The following RFX7 variants were observed in gnomAD, a reference collection of about 807,000 sequenced individuals.
The protein encoded by RFX7 is DNA-binding protein RFX7.
RFX7 carries 26 observed loss-of-function variants against 111.8 expected under a neutral mutation model. That is an observed-to-expected ratio of 0.23 (90% confidence interval 0.17 to 0.32). The LOEUF is 0.32. RFX7 is among the 10% of genes least tolerant of loss of function. The probability of loss-of-function intolerance (pLI) is 1.00; values close to 1 mark genes in which losing one functional copy is unlikely to be tolerated. For synonymous variants in RFX7, 624 were observed against 624.4 expected, an observed-to-expected ratio of 1.00 and a Z score of 0.01; for missense variants, 1,573 against 1,772.9, an observed-to-expected ratio of 0.89 and a Z score of 2.02.
intron 2 of RFX7, among the ~76,000 whole-genome samples, chr15:56,194,589 C>T (rs1270343893): frequency 6.6e-6 from 1 of 151,952 alleles, no homozygotes; most frequent in Non-Finnish European, 1.5e-5. Flanking sequence ...TTTACTTTTA[C>T]TTTTGTTTGC....
rs1313966204 is a variant in RFX7, at chr15:56,092,645, T to C, written c.*700A>G. 2 of 152,624 alleles carry C rather than the reference T, an allele frequency of 1.3e-5. No individual in the cohort carries two copies. The highest frequency in any genetic ancestry group is 2.9e-5 in the Non-Finnish European group (2 of 68,030). 9.5% of individuals were successfully genotyped at this position (152,624 alleles called of 1,614,324 possible). ...TGCCTGCGCATCTATGTGTGCTAGC[T>C]CCATATTAAAATCAACATTTAAATA... On this transcript the variant is annotated 3_prime_UTR_variant, in exon 10 of 10. Transcript: ENST00000559447.
intron 2 of RFX7, among the ~76,000 whole-genome samples, chr15:56,235,179 G>GTT (rs200007759): frequency 6.9e-5 from 10 of 145,692 alleles, no homozygotes; most frequent in African/African-American, 1.0e-4. Context: ...CTCGTTTGTT[G>GTT]TTTTTTTTTT....
chr15:56,123,869 ACT>A (rs1220616007), intron 5 of RFX7, among the ~76,000 whole-genome samples: 2 of 151,880 alleles, frequency 1.3e-5, no homozygotes, highest in African/African-American at 4.8e-5. Flanking sequence ...CAGCTGCTGC[ACT>A]CTCTCTCCTG....
At chr15:56,233,901 T>G (rs1381565595) in intron 2 of RFX7, among the ~76,000 whole-genome samples, 1 of 152,212 alleles carries the variant, frequency 6.6e-6, no homozygotes, top group East Asian at 1.9e-4. Flanking sequence ...GATTAGTTAG[T>G]GGAAATCCTA....
chr15:56,102,942 C>A (rs2041776940), intron 6 of RFX7, among the ~76,000 whole-genome samples: 1 of 152,114 alleles, frequency 6.6e-6, no homozygotes, highest in Non-Finnish European at 1.5e-5. Context: ...CAATCTTCTT[C>A]TAAGAGGAGA....
At position 56,091,755 on chromosome 15, in the gene RFX7, A is replaced by T. The variant is rs1352350565; in HGVS notation, c.*1590T>A. The T allele has an allele frequency of 6.6e-6, 1 of 152,602 alleles. No homozygotes were observed. The highest frequency in any genetic ancestry group is 2.4e-5 in the African/African-American group (1 of 41,466). 9.5% of individuals were successfully genotyped at this position (152,602 alleles called of 1,614,324 possible). On this transcript the variant is annotated 3_prime_UTR_variant, in exon 10 of 10. Transcript: ENST00000559447. ...AAATGCCAATAACTAAGACATATCA[A>T]TATATAAACCTCTGCGCCAACTCTA... is the stretch of plus-strand genomic sequence containing the variant.
chr15:56,209,742 C>G (rs2043291519), intron 2 of RFX7, among the ~76,000 whole-genome samples: 1 of 151,888 alleles, frequency 6.6e-6, no homozygotes, highest in Non-Finnish European at 1.5e-5. Flanking sequence ...ATGACGTTAA[C>G]TAAAAGTGGA....
chr15:56,095,198 A>G lies in RFX7; in HGVS notation c.2530T>C (p.Leu844=). The stretch of plus-strand genomic sequence containing the variant: ...GAAGAATGTGCTTGTATTTGATTTA[A>G]AGAAGATTCCTGTATCTGGCTATGT... ...QLHSQIQESS[L]NQIQAHSSDQ... The change falls in exon 10 of 10, where the codon TTA becomes CTA. Residue 844 remains leucine, a synonymous_variant. Transcript: ENST00000559447. 6.2e-7 allele frequency: 1 copy of G among 1,613,956 alleles called. No homozygotes were observed. The highest frequency in any genetic ancestry group is 8.5e-7 in the Non-Finnish European group (1 of 1,179,870).
chr15:56,134,777 A>G (rs1401302375), intron 5 of RFX7, among the ~76,000 whole-genome samples: 4 of 151,662 alleles, frequency 2.6e-5, no homozygotes, highest in Non-Finnish European at 4.4e-5. Flanking sequence ...GCCCTCCCCA[A>G]CAACAGTCCC....
chr15:56,214,012 T>C (rs1481878031), intron 2 of RFX7, among the ~76,000 whole-genome samples: 1 of 152,198 alleles, frequency 6.6e-6, no homozygotes, highest in Admixed American at 6.5e-5. Context: ...TATAGCCCAT[T>C]GCTGCCATTA....
chr15:56,150,047 G>T (rs1410685880), intron 3 of RFX7, among the ~76,000 whole-genome samples: 1 of 152,026 alleles, frequency 6.6e-6, no homozygotes, highest in Non-Finnish European at 1.5e-5. Flanking sequence ...GGTGGGGCGG[G>T]GGGGTCGGCC....
chr15:56,099,261 T>A (rs989668219), intron 8 of RFX7, among the ~76,000 whole-genome samples: 1 of 152,090 alleles, frequency 6.6e-6, no homozygotes, highest in Non-Finnish European at 1.5e-5. Context: ...CTTTTCCCCA[T>A]CCCAATTTCT....
intron 2 of RFX7, among the ~76,000 whole-genome samples, chr15:56,234,728 G>A (rs1264459188): frequency 6.6e-6 from 1 of 152,064 alleles, no homozygotes; most frequent in Non-Finnish European, 1.5e-5. Flanking sequence ...TCTTGGTGTT[G>A]CCATATAGAA....
intron 5 of RFX7, among the ~76,000 whole-genome samples, chr15:56,131,626 T>G (rs2042219206): frequency 6.6e-6 from 1 of 152,190 alleles, no homozygotes; most frequent in South Asian, 2.1e-4. Flanking sequence ...TGCAAAATAA[T>G]CTCATTTGGA....
chr15:56,219,966 T>C (rs539981952), intron 2 of RFX7, among the ~76,000 whole-genome samples: 1 of 152,350 alleles, frequency 6.6e-6, no homozygotes, highest in African/African-American at 2.4e-5. Flanking sequence ...GTGGCTGAAC[T>C]AATTTATACT....
At chr15:56,205,498 T>C (rs1457407951) in intron 2 of RFX7, among the ~76,000 whole-genome samples, 3 of 152,264 alleles carry the variant, frequency 2.0e-5, no homozygotes, top group Admixed American at 6.5e-5. Context: ...AGAGTGATTT[T>C]ACCCTTTCAC....
At chr15:56,179,369 A>C (rs574028988) in intron 2 of RFX7, 66 bp from the exon 3 acceptor site, 1 of 701,166 alleles carries the variant, frequency 1.4e-6, no homozygotes, top group Non-Finnish European at 2.1e-6. Flanking sequence ...ATATTCTCAA[A>C]AAGATGTGGT....
intron 6 of RFX7, among the ~76,000 whole-genome samples, chr15:56,102,870 A>G (rs970015174): frequency 6.6e-6 from 1 of 152,178 alleles, no homozygotes; most frequent in Non-Finnish European, 1.5e-5. Context: ...TGAAAAAAAG[A>G]CAAGAGCTAA....
intron 5 of RFX7, among the ~76,000 whole-genome samples, chr15:56,109,555 A>C (rs1249647499): frequency 6.7e-6 from 1 of 149,874 alleles, no homozygotes; most frequent in African/African-American, 2.5e-5. Context: ...CAGTCTGGAA[A>C]GTGAGGAGCG....
Sources: gnomAD v4.1 joint callset for allele counts (sites outside exome capture counted in the v4.1 genomes callset) on GRCh38, gnomAD v4.1.1 for gene constraint, MANE v1.5 for transcripts, NCBI Gene and HGNC (gene_info 2026-07-23, HGNC 2026-07-21) for gene names.